Variants in MGAT5B observed in about 807,000 individuals in gnomAD.
MGAT5B encodes N-acetylglucosaminyl-transferase Vb.
A neutral mutation model predicts 95.1 loss-of-function variants in MGAT5B; 54 were observed. That is an observed-to-expected ratio of 0.57 (90% CI 0.46 to 0.71). MGAT5B has a LOEUF of 0.71. Ranked by LOEUF, MGAT5B falls within the 30% of genes least tolerant of loss-of-function variation. MGAT5B has a pLI of 0.00. For synonymous variants in MGAT5B, 464 were observed against 451.0 expected (o/e 1.03, Z -0.36); for missense variants, 935 against 1,088.6 (o/e 0.86, Z 1.99).
Position 76,912,958 on chromosome 17 carries a change from T to C in MGAT5B, c.1025+6771T>C, listed in dbSNP as rs1322002485. Among the ~76,000 whole-genome samples the C allele has an allele frequency of 3.3e-5, 5 of 152,178 alleles. No homozygotes were observed. Among genetic ancestry groups the C allele is most frequent in the Admixed American group, 3.3e-4 (5 of 15,286 alleles). On this transcript the variant is annotated intron_variant, in intron 8 of 17. Coordinates refer to ENST00000569840, the MANE Select transcript of MGAT5B (RefSeq NM_001199172.2). The surrounding 1 kb of genome is among the most constrained non-coding windows in gnomAD (Gnocchi z 5.0). ...CATCAGCTGTGCTCATCAATTTTAT[T>C]TGCACAATTTCAAGCATCATTAATA...
intron 3 of MGAT5B, among the ~76,000 whole-genome samples, chr17:76,892,583 C>G (rs1186041848): frequency 6.6e-6 from 1 of 152,240 alleles, no homozygotes; most frequent in African/African-American, 2.4e-5. Flanking sequence ...GAACTCAGCA[C>G]AGCCATGATC....
chr17:76,946,699 C>T (rs1043594208), intron 16 of MGAT5B, among the ~76,000 whole-genome samples: 2 of 152,362 alleles, frequency 1.3e-5, no homozygotes, highest in Non-Finnish European at 2.9e-5. Flanking sequence ...CCCAACTCCA[C>T]GGCACTAACA....
At chr17:76,946,029 A>C (rs1970015597) in intron 15 of MGAT5B, among the ~76,000 whole-genome samples, 1 of 149,994 alleles carries the variant, frequency 6.7e-6, no homozygotes, top group African/African-American at 2.4e-5. Context: ...GGTGATGCCT[A>C]AGAGGGTGGG....
intron 2 of MGAT5B, among the ~76,000 whole-genome samples, chr17:76,880,770 G>T (rs936267237): frequency 6.6e-6 from 1 of 152,146 alleles, no homozygotes; most frequent in Non-Finnish European, 1.5e-5. Flanking sequence ...GGGCTCCCCA[G>T]CAGGGCTAAG....
At chr17:76,903,757 C>T (rs1293627381) in intron 5 of MGAT5B, among the ~76,000 whole-genome samples, 3 of 152,214 alleles carry the variant, frequency 2.0e-5, no homozygotes, top group Non-Finnish European at 2.9e-5. Flanking sequence ...CGTCCACAGC[C>T]GTGAAGTCAG....
rs1157061375 is a variant in MGAT5B at position 76,914,431 on chromosome 17, G to C, written c.1025+8244G>C. On this transcript the variant is annotated intron_variant, in intron 8 of 17. Transcript: ENST00000569840. This position sits in a 1 kb window ranked among gnomAD's most constrained non-coding sequence, Gnocchi z 5.1. ...CAGTCAAAAGACCACATGCTGGGGG[G>C]TGTAAACCACACAAATGTGTCCTCT... is the stretch of plus-strand genomic sequence containing the variant. Among the ~76,000 whole-genome samples the C allele has an allele frequency of 3.3e-5, 5 of 152,182 alleles. No individual in the cohort carries two copies. Among genetic ancestry groups the C allele is most frequent in the Non-Finnish European group, 5.9e-5 (4 of 68,038 alleles).
At position 76,930,947 on chromosome 17, in the gene MGAT5B, C is replaced by T. The variant is rs1043758034; in HGVS notation, c.1292-1698C>T. Among the ~76,000 whole-genome samples the T allele has an allele frequency of 6.6e-6, 1 of 152,096 alleles. No homozygotes were observed. Among genetic ancestry groups the T allele is most frequent in the South Asian group, 2.1e-4 (1 of 4,826 alleles). ...GCCGAGGGGACAGCAGCAGGGGCAA[C>T]GCTTGGAGGTGGGAATGGGAGGCTT... On this transcript the variant is annotated intron_variant, in intron 10 of 17. Coordinates refer to ENST00000569840, the MANE Select transcript of MGAT5B (RefSeq NM_001199172.2). This position sits in a 1 kb window ranked among gnomAD's most constrained non-coding sequence, Gnocchi z 4.1.
chr17:76,900,974 T>C (rs12051666), intron 3 of MGAT5B, among the ~76,000 whole-genome samples: 5 of 113,638 alleles, frequency 4.4e-5, no homozygotes, highest in Non-Finnish European at 5.2e-5. Context: ...CCTGTGTGCA[T>C]GTGTGTGTGC....
In MGAT5B at chr17:76,900,878, C is replaced by T. The variant is rs535850058; in HGVS notation, c.330-1677C>T. Among the ~76,000 whole-genome samples the T allele has an allele frequency of 1.7e-3, 231 of 138,262 alleles. 2 individuals carry two copies. Among genetic ancestry groups the T allele is most frequent in the Non-Finnish European group, 3.0e-3 (201 of 66,710 alleles). The allele number at this position is 138,262 out of a possible 152,430, so 90.7% of individuals were successfully genotyped here. On this transcript the variant is annotated intron_variant, in intron 3 of 17. Coordinates refer to ENST00000569840, the MANE Select transcript of MGAT5B (RefSeq NM_001199172.2). ...AGACTGGATTGTGTGTGCATGTGTG[C>T]GTGTGTGTGCATGTGTGTGCATGTG... is the stretch of plus-strand genomic sequence containing the variant.
rs74804270 is a variant in MGAT5B, at chr17:76,873,869, C to G, written c.181+906C>G. On this transcript the variant is annotated intron_variant, in intron 2 of 17. Coordinates refer to ENST00000569840, the MANE Select transcript of MGAT5B (RefSeq NM_001199172.2). ...TTCCCCTGCCCCTCTGGGGAAGTCTCTCCTTGAAGTCCACCTTCTTGAACT... is the reference window on the plus strand; with the variant it reads ...TTCCCCTGCCCCTCTGGGGAAGTCTGTCCTTGAAGTCCACCTTCTTGAACT... Among the ~76,000 whole-genome samples the G allele has an allele frequency of 3.6e-3, 545 of 152,342 alleles. 1 individual carries two copies. Among genetic ancestry groups the G allele is most frequent in the African/African-American group, 0.012 (497 of 41,570 alleles).
chr17:76,910,641 C>CA (rs1169972305), intron 8 of MGAT5B, among the ~76,000 whole-genome samples: 2 of 152,262 alleles, frequency 1.3e-5, no homozygotes, highest in African/African-American at 2.4e-5. Context: ...CTCTTGCACA[C>CA]ACATGCATGT....
Position 76,903,291 on chromosome 17 carries a change from C to G in MGAT5B, c.446-12C>G. 6.2e-7 allele frequency: 1 copy of G among 1,604,834 alleles called. No homozygotes were observed. The highest frequency in any genetic ancestry group is 8.5e-7 in the Non-Finnish European group (1 of 1,175,382). On this transcript the variant is annotated splice_polypyrimidine_tract_variant and intron_variant, in intron 4 of 17. Transcript: ENST00000569840. ...GGACCAGGGACTTCAGCAAGGTGAC[C>G]TCTCCCTACAGTGTCAGAAGGCCGG...
chr17:76,879,014 T>C (rs9902821), intron 2 of MGAT5B, among the ~76,000 whole-genome samples: 54,373 of 151,966 alleles, frequency 0.36, 10,468 homozygotes, highest in East Asian at 0.75. Flanking sequence ...CCCCCTTGAC[T>C]GGGCCCATGC....
rs76658853 is a variant in MGAT5B, at chr17:76,924,676, G to C, written c.1026-290G>C. Among the ~76,000 whole-genome samples, 601 of 152,296 alleles carry C rather than the reference G, an allele frequency of 3.9e-3. 9 individuals are homozygous for C. Among genetic ancestry groups the C allele is most frequent in the Admixed American group, 0.021 (317 of 15,302 alleles). On this transcript the variant is annotated intron_variant, in intron 8 of 17. Transcript: ENST00000569840. ...CCTCTCTGGGTAGCCACAGCCCTGC[G>C]GGAGCACATTTGTGTCGATGACAAA...
intron 3 of MGAT5B, among the ~76,000 whole-genome samples, chr17:76,897,659 CACTTTCTT>C (rs56994753): frequency 0.028 from 2,998 of 108,872 alleles, 171 homozygotes; most frequent in African/African-American, 0.083. Context: ...CAAGTAAGGC[CACTTTCTT>C]TCTTTCTTTC....
chr17:76,898,904 C>T (rs559779379), intron 3 of MGAT5B, among the ~76,000 whole-genome samples: 33 of 152,280 alleles, frequency 2.2e-4, no homozygotes, highest in Non-Finnish European at 4.3e-4. Context: ...GATGGAGCCC[C>T]GAGCACAGGG....
chr17:76,927,306 C>G (rs1159455693), intron 10 of MGAT5B, among the ~76,000 whole-genome samples: 10 of 152,078 alleles, frequency 6.6e-5, no homozygotes, highest in Non-Finnish European at 1.5e-4. Context: ...GTGTGATCTC[C>G]TCGGCTCACT....
intron 10 of MGAT5B, among the ~76,000 whole-genome samples, chr17:76,928,742 A>G (rs903015387): frequency 1.3e-5 from 2 of 151,952 alleles, no homozygotes; most frequent in African/African-American, 2.4e-5. Flanking sequence ...AAAAAAAGGA[A>G]GGGAAGCAGT....
chr17:76,878,966 G>A (rs903651612), intron 2 of MGAT5B, among the ~76,000 whole-genome samples: 1 of 151,298 alleles, frequency 6.6e-6, no homozygotes, highest in African/African-American at 2.4e-5. Flanking sequence ...TGTCTGGTCC[G>A]CAGCAGAGCG....
Sources: allele counts gnomAD v4.1 joint callset (sites outside exome capture counted in the v4.1 genomes callset), GRCh38; gene constraint gnomAD v4.1.1; non-coding constraint Gnocchi (gnomAD v3.1); transcripts MANE v1.5; gene names NCBI Gene and HGNC (gene_info 2026-07-23, HGNC 2026-07-21).